The following GLDC variants were observed in gnomAD, a reference collection of about 807,000 sequenced individuals.
GLDC encodes glycine decarboxylase, also known as glycine dehydrogenase (decarboxylating), mitochondrial.
GLDC carries 104 observed loss-of-function variants against 121.3 expected under a neutral mutation model. The ratio of observed to expected loss-of-function variants is 0.86; its 90% CI spans 0.73 to 1.01. The LOEUF (loss-of-function observed/expected upper bound fraction) is 1.01. Among genes scored for constraint, GLDC ranks in the 50% least tolerant of loss-of-function variants. The pLI, the probability that GLDC is intolerant of heterozygous loss-of-function variation, is 0.00. For missense variants in GLDC, 1,429 were observed against 1,306.6 expected (o/e 1.09, Z -1.44); for synonymous variants, 546 against 480.6 (o/e 1.14, Z -1.78).
intron 15 of GLDC, among the ~76,000 whole-genome samples, chr9:6,585,405 A>C (rs1299748714): frequency 6.6e-6 from 1 of 152,138 alleles, no homozygotes; most frequent in Non-Finnish European, 1.5e-5. Context: ...TTGTCTCTTA[A>C]AACAAAACAA....
chr9:6,536,557 T>C (rs1476555896), intron 22 of GLDC, among the ~76,000 whole-genome samples: 2 of 152,196 alleles, frequency 1.3e-5, no homozygotes, highest in Non-Finnish European at 2.9e-5. Context: ...AGCCACATAA[T>C]GATATCCCAT....
At chr9:6,556,060 G>C (rs1007272530) in intron 18 of GLDC, 93 bp downstream of exon 18, 15 of 1,077,212 alleles carry the variant, frequency 1.4e-5, no homozygotes, top group Non-Finnish European at 2.1e-5. Flanking sequence ...AGTTCCCTCA[G>C]GCAGGAAGCC....
Position 6,536,184 on chromosome 9 carries a change from C to G in GLDC, c.2718G>C (p.Glu906Asp). ...SWPVAGTLMV[E>D]PTESEDKAEL... Reference sequence around the variant, plus strand: ...CTGCCTTGTCCTCCGACTCAGTGGGCTCCACCATGAGGGTCCCTGCCACAG... The same window carrying G: ...CTGCCTTGTCCTCCGACTCAGTGGGGTCCACCATGAGGGTCCCTGCCACAG... Residue 906 changes from glutamate to aspartate, a missense_variant, in exon 23 of 25, where the codon GAG becomes GAC. By Grantham distance (45) the Glu-to-Asp change is conservative. Coordinates refer to ENST00000321612, the MANE Select transcript of GLDC (RefSeq NM_000170.3). The G allele has an allele frequency of 1.2e-6, 2 of 1,614,058 alleles. No homozygotes were observed. Among genetic ancestry groups the G allele is most frequent in the Non-Finnish European group, 1.7e-6 (2 of 1,179,968 alleles).
chr9:6,560,192 C>A (rs1563837638), intron 16 of GLDC, among the ~76,000 whole-genome samples: 1 of 152,174 alleles, frequency 6.6e-6, no homozygotes, highest in African/African-American at 2.4e-5. Flanking sequence ...CAAGGAGAAG[C>A]CATGATTACC....
At chr9:6,537,844 C>A (rs1443793544) in intron 22 of GLDC, among the ~76,000 whole-genome samples, 1 of 152,072 alleles carries the variant, frequency 6.6e-6, no homozygotes, top group Non-Finnish European at 1.5e-5. Flanking sequence ...CCCATATACC[C>A]ACCACCTAGA....
At chr9:6,615,600 C>G (rs909359597) in intron 3 of GLDC, among the ~76,000 whole-genome samples, 3 of 151,052 alleles carry the variant, frequency 2.0e-5, no homozygotes, top group African/African-American at 4.9e-5. Flanking sequence ...AAAAAAAGAC[C>G]TAGTATATAA....
intron 3 of GLDC, among the ~76,000 whole-genome samples, chr9:6,619,876 A>G (rs1819048042): frequency 6.6e-6 from 1 of 152,228 alleles, no homozygotes; most frequent in Non-Finnish European, 1.5e-5. Context: ...GCCCACCTGC[A>G]GGTTTCACAT....
In GLDC at chr9:6,604,569, G is replaced by A. The variant is rs1474322311; in HGVS notation, c.1058+19C>T. On this transcript the variant is annotated intron_variant, in intron 7 of 24. Coordinates refer to ENST00000321612, the MANE Select transcript of GLDC (RefSeq NM_000170.3). Reference sequence around the variant, plus strand: ...AAATCATAATCACAATAAAAGTAGAGAAACATGAGCCCCTTTACCTTGTTA... The same window carrying A: ...AAATCATAATCACAATAAAAGTAGAAAAACATGAGCCCCTTTACCTTGTTA... The A allele has an allele frequency of 1.3e-6, 2 of 1,595,466 alleles. No homozygotes were observed. The highest frequency in any genetic ancestry group is 1.3e-5 in the African/African-American group (1 of 74,502).
chr9:6,555,952 G>C (rs577762359), intron 18 of GLDC, among the ~76,000 whole-genome samples: 2 of 152,200 alleles, frequency 1.3e-5, no homozygotes, highest in Non-Finnish European at 2.9e-5. Context: ...TGGGCCCTTT[G>C]AGCCCCCATT....
intron 15 of GLDC, among the ~76,000 whole-genome samples, chr9:6,569,913 C>T (rs888591213): frequency 2.7e-5 from 4 of 150,868 alleles, no homozygotes; most frequent in Non-Finnish European, 4.4e-5. Flanking sequence ...GAGGTGGAGG[C>T]TGCAGTGATG....
chr9:6,553,344 C>G (rs768260628), intron 20 of GLDC, 24 bp downstream of exon 20: 1 of 1,612,690 alleles, frequency 6.2e-7, no homozygotes, highest in Admixed American at 1.7e-5. Flanking sequence ...CACCTGCACA[C>G]CTGCACATAC....
chr9:6,622,851 G>A (rs545448811), intron 2 of GLDC: 27 of 213,526 alleles, frequency 1.3e-4, no homozygotes, highest in Admixed American at 5.8e-5. Context: ...GTCTCTGCCC[G>A]GCCGCCCATC....
chr9:6,602,696 T>G (rs1055410772), intron 7 of GLDC, among the ~76,000 whole-genome samples: 4 of 152,116 alleles, frequency 2.6e-5, no homozygotes, highest in Non-Finnish European at 5.9e-5. Flanking sequence ...CCAAGATATA[T>G]ACAATAAGTC....
intron 16 of GLDC, among the ~76,000 whole-genome samples, chr9:6,559,850 C>A (rs988992189): frequency 5.9e-5 from 9 of 152,018 alleles, no homozygotes; most frequent in Non-Finnish European, 1.0e-4. Context: ...AAATGACCAA[C>A]CCCTACCCCG....
At chr9:6,637,948 C>G (rs1819541162) in intron 2 of GLDC, among the ~76,000 whole-genome samples, 1 of 151,620 alleles carries the variant, frequency 6.6e-6, no homozygotes, top group African/African-American at 2.4e-5. Flanking sequence ...CTTAACCTCC[C>G]AAAGTGCTGA....
At chr9:6,603,760 T>C (rs1375749743) in intron 7 of GLDC, among the ~76,000 whole-genome samples, 1 of 149,582 alleles carries the variant, frequency 6.7e-6, no homozygotes, top group East Asian at 2.0e-4. Flanking sequence ...AGATGGAGTC[T>C]CGCTCTGCAC....
chr9:6,610,692 A>C (rs1409456137), intron 3 of GLDC, among the ~76,000 whole-genome samples: 1 of 152,144 alleles, frequency 6.6e-6, no homozygotes, highest in Non-Finnish European at 1.5e-5. Flanking sequence ...CTCAATGTAC[A>C]AGGCTCAAGA....
intron 16 of GLDC, among the ~76,000 whole-genome samples, chr9:6,559,472 GC>G (rs1317739852): frequency 7.6e-5 from 11 of 145,308 alleles, no homozygotes; most frequent in Non-Finnish European, 1.3e-4. Flanking sequence ...CCGAGATTGC[GC>G]TATTGCACTC....
intron 15 of GLDC, among the ~76,000 whole-genome samples, chr9:6,571,650 C>T (rs1333181833): frequency 6.6e-6 from 1 of 152,152 alleles, no homozygotes; most frequent in Non-Finnish European, 1.5e-5. Flanking sequence ...TGATTTACAT[C>T]CCAGGTGGGA....
Sources: allele counts gnomAD v4.1 joint callset (sites outside exome capture counted in the v4.1 genomes callset), GRCh38; gene constraint gnomAD v4.1.1; transcripts MANE v1.5; gene names NCBI Gene and HGNC (gene_info 2026-07-23, HGNC 2026-07-21).